Variants in ERICH1 observed in about 807,000 individuals in gnomAD.
ERICH1 encodes glutamate rich 1, also known as glutamate-rich protein 1.
In ERICH1, 56 loss-of-function variants were observed where a neutral mutation model predicts 39.6. That is an observed-to-expected ratio of 1.41 (90% CI 1.14 to 1.77). The LOEUF (loss-of-function observed/expected upper bound fraction) is 1.77. Ranked by LOEUF, ERICH1 falls within the 40% of genes most tolerant of loss-of-function variation. The pLI, the probability that ERICH1 is intolerant of heterozygous loss-of-function variation, is 0.00. For synonymous variants in ERICH1, 313 were observed against 223.6 expected (o/e 1.40, Z -3.57); for missense variants, 826 against 575.4 (o/e 1.44, Z -4.45).
At chr8:674,773 G>A (rs1316901075) in intron 3 of ERICH1, among the ~76,000 whole-genome samples, 1 of 152,196 alleles carries the variant, frequency 6.6e-6, no homozygotes, top group Non-Finnish European at 1.5e-5. Context: ...GCCCATCTGA[G>A]TCAGCATCAG....
chr8:709,957 A>T (rs960251115), intron 2 of ERICH1, among the ~76,000 whole-genome samples: 5 of 152,216 alleles, frequency 3.3e-5, no homozygotes, highest in African/African-American at 1.2e-4. Flanking sequence ...AATCGACCTT[A>T]AAAATACAAT....
chr8:621,025 A>C (rs1270494162), intron 3 of ERICH1, among the ~76,000 whole-genome samples: 1 of 152,236 alleles, frequency 6.6e-6, no homozygotes, highest in Non-Finnish European at 1.5e-5. Flanking sequence ...ATACACCATA[A>C]AATAAACTCG....
At chr8:627,822 C>A (rs527388597) in intron 3 of ERICH1, among the ~76,000 whole-genome samples, 1 of 152,190 alleles carries the variant, frequency 6.6e-6, no homozygotes, top group African/African-American at 2.4e-5. Context: ...AAAGAGCCAG[C>A]AAGGGTCTGA....
chr8:697,531 A>C (rs1457205077), intron 2 of ERICH1, among the ~76,000 whole-genome samples: 1 of 151,588 alleles, frequency 6.6e-6, no homozygotes, highest in African/African-American at 2.4e-5. Context: ...GCCCCAGGCG[A>C]CCCCTCCTCC....
At chr8:696,594 T>TCTCTC (rs1306045600) in intron 2 of ERICH1, among the ~76,000 whole-genome samples, 1 of 64,230 alleles carries the variant, frequency 1.6e-5, no homozygotes, top group Non-Finnish European at 2.5e-5. Context: ...CCTCTTACCC[T>TCTCTC]CCACTCCTTC....
Position 716,021 on chromosome 8 carries a change from C to T in ERICH1, c.23-14G>A, listed in dbSNP as rs775185351. The T allele has an allele frequency of 2.0e-5, 31 of 1,574,476 alleles. 1 individual carries two copies. In the East Asian group the frequency reaches 3.0e-4, roughly 15 times the overall value. ...TCTCCACAAACACTGTACAGACAAC[C>T]GATTAAAAGAAAAGGAGGAAAAGGA... is the stretch of plus-strand genomic sequence containing the variant. On this transcript the variant is annotated splice_polypyrimidine_tract_variant and intron_variant, in intron 1 of 5. Coordinates refer to ENST00000262109, the MANE Select transcript of ERICH1 (RefSeq NM_207332.3).
intron 3 of ERICH1, among the ~76,000 whole-genome samples, chr8:687,415 C>T (rs1291834169): frequency 1.3e-5 from 2 of 152,260 alleles, no homozygotes; most frequent in Non-Finnish European, 2.9e-5. Context: ...AAGCCGGCAA[C>T]GCTCACGTTT....
intron 4 of ERICH1, chr8:671,665 C>G: frequency 6.0e-6 from 1 of 165,738 alleles, no homozygotes. Flanking sequence ...CTGCCGGCCC[C>G]GGCCCTAATG....
chr8:626,292 A>T (rs1198816968), intron 3 of ERICH1: 1 of 152,192 alleles, frequency 6.6e-6, no homozygotes, highest in African/African-American at 2.4e-5. Context: ...TGACAATTCT[A>T]CTCAGAGCCA....
intron 3 of ERICH1, among the ~76,000 whole-genome samples, chr8:634,195 A>AAACAAAC (rs74641971): frequency 3.4e-5 from 5 of 147,954 alleles, no homozygotes; most frequent in Admixed American, 6.7e-5. Context: ...AACAAACAAA[A>AAACAAAC]AAAACCCTGA....
In ERICH1 at chr8:616,324, G is replaced by C. The variant is rs74640230; in HGVS notation, c.977-1040C>G. On this transcript the variant is annotated intron_variant, in intron 3 of 3. Transcript: ENST00000522706. ...GACAAGCATGGGGCAAGAGGGACGCGTTAACTGAAAGTTGCTGAAGACAGG... is the reference window on the plus strand; with the variant it reads ...GACAAGCATGGGGCAAGAGGGACGCCTTAACTGAAAGTTGCTGAAGACAGG... 3,316 of 338,994 alleles carry C rather than the reference G, an allele frequency of 9.8e-3. 107 individuals carry two copies. Among genetic ancestry groups the C allele is most frequent in the African/African-American group, 0.067 (3,068 of 46,078 alleles). The allele number at this position is 338,994 out of a possible 1,614,324, so 21.0% of individuals were successfully genotyped here.
At chr8:665,991 CTTCA>C (rs1195156910) in intron 5 of ERICH1, 2 of 149,696 alleles carry the variant, frequency 1.3e-5, no homozygotes, top group Non-Finnish European at 3.0e-5. Flanking sequence ...GAAAATGAAG[CTTCA>C]TTGTTTGTAA....
intron 1 of ERICH1, 145 bp downstream of exon 1, chr8:730,995 G>C: frequency 1.0e-6 from 1 of 963,418 alleles, no homozygotes. Context: ...GGGATGGGTA[G>C]GGACTGGGGT....
chr8:692,719 G>T (rs994466548), intron 2 of ERICH1, 107 bp from the exon 3 acceptor site: 78 of 1,266,010 alleles, frequency 6.2e-5, no homozygotes, highest in Non-Finnish European at 8.5e-6. Context: ...TTCAAGACAT[G>T]AAATCAAAGA....
chr8:638,819 G>A (rs886992922), intron 3 of ERICH1, among the ~76,000 whole-genome samples: 3 of 152,026 alleles, frequency 2.0e-5, no homozygotes, highest in African/African-American at 4.8e-5. Flanking sequence ...CCGGCCTGTC[G>A]TCATCGAGAG....
intron 3 of ERICH1, among the ~76,000 whole-genome samples, chr8:622,891 A>G (rs1483732788): frequency 6.6e-6 from 1 of 152,028 alleles, no homozygotes; most frequent in African/African-American, 2.4e-5. Context: ...CCAGGAATTC[A>G]AGGCTGCAGT....
chr8:661,715 T>A (rs914427361), downstream of ERICH1, among the ~76,000 whole-genome samples: 2 of 152,236 alleles, frequency 1.3e-5, no homozygotes, highest in African/African-American at 4.8e-5. Context: ...AGAAGATGCA[T>A]TTTCCTTTTT....
chr8:671,470 G>A (rs1181243749), intron 4 of ERICH1, among the ~76,000 whole-genome samples: 1 of 140,766 alleles, frequency 7.1e-6, no homozygotes, highest in Non-Finnish European at 1.5e-5. Context: ...CCCAGGCTCC[G>A]ACCTCTGAAC....
chr8:731,048 G>A (rs1819876215), intron 1 of ERICH1, 92 bp downstream of exon 1: 1 of 1,337,108 alleles, frequency 7.5e-7, no homozygotes, highest in Non-Finnish European at 9.6e-7. Context: ...GGCCTGGAAA[G>A]GGGCCGGGGT....
Sources: gnomAD v4.1 joint callset for allele counts (sites outside exome capture counted in the v4.1 genomes callset) on GRCh38, gnomAD v4.1.1 for gene constraint, MANE v1.5 for transcripts, NCBI Gene and HGNC (gene_info 2026-07-23, HGNC 2026-07-21) for gene names.